The following TBC1D9B variants were observed in gnomAD, a reference collection of about 807,000 sequenced individuals.
TBC1D9B encodes TBC1 domain family member 9B, also known as TBC1 domain family, member 9B (with GRAM domain).
TBC1D9B carries 87 observed loss-of-function variants against 121.1 expected under a neutral mutation model. That is an observed-to-expected ratio of 0.72 (90% CI 0.60 to 0.86). The LOEUF (loss-of-function observed/expected upper bound fraction) is 0.86. TBC1D9B is among the 40% of genes least tolerant of loss of function. The probability of loss-of-function intolerance (pLI) is 0.00; values close to 1 mark genes in which losing one functional copy is unlikely to be tolerated. For synonymous variants in TBC1D9B, 668 were observed against 670.1 expected, an observed-to-expected ratio of 1.00 and a Z score of 0.05; for missense variants, 1,540 against 1,628.6, an observed-to-expected ratio of 0.95 and a Z score of 0.94.
intron 5 of TBC1D9B, among the ~76,000 whole-genome samples, chr5:179,892,773 C>A (rs113302038): frequency 6.6e-6 from 1 of 152,192 alleles, no homozygotes; most frequent in Non-Finnish European, 1.5e-5. Context: ...GGACGGAGGC[C>A]GTGCACTTGA....
intron 10 of TBC1D9B, among the ~76,000 whole-genome samples, chr5:179,877,679 AAAAAG>A (rs1174662138): frequency 4.7e-5 from 7 of 149,828 alleles, no homozygotes; most frequent in Non-Finnish European, 7.4e-5. Flanking sequence ...AAAAAAAAAA[AAAAAG>A]AAAAGAAAAG....
rs533754253 is a variant in TBC1D9B at position 179,877,230 on chromosome 5, T to A, written c.1782+1079A>T. On this transcript the variant is annotated intron_variant, in intron 10 of 20. Coordinates refer to ENST00000355235, the MANE Select transcript of TBC1D9B (RefSeq NM_015043.4). Reference sequence around the variant, plus strand: ...TGAGACCCCATGTCTAAAAAAAAAATATTAGCTGGGTGTGGTGGTACATGC... The same window carrying A: ...TGAGACCCCATGTCTAAAAAAAAAAAATTAGCTGGGTGTGGTGGTACATGC... 2.7e-5 allele frequency among the ~76,000 whole-genome samples: 4 copies of A among 149,898 alleles called. No individual in the cohort carries two copies. In the East Asian group the frequency reaches 7.9e-4, roughly 30 times the overall value.
intron 2 of TBC1D9B, among the ~76,000 whole-genome samples, chr5:179,900,582 T>C (rs32459): frequency 0.051 from 7,766 of 152,272 alleles, 217 homozygotes; most frequent in Middle Eastern, 0.15. Context: ...ACCAGTACCC[T>C]GGGGGAACAC....
chr5:179,881,192 G>A (rs116331915), intron 7 of TBC1D9B, among the ~76,000 whole-genome samples: 2 of 152,300 alleles, frequency 1.3e-5, no homozygotes, highest in African/African-American at 4.8e-5. Context: ...CCTTACATTC[G>A]GGCTTACTGG....
chr5:179,882,882 G>A (rs748353661), intron 7 of TBC1D9B, among the ~76,000 whole-genome samples: 1 of 152,176 alleles, frequency 6.6e-6, no homozygotes, highest in Admixed American at 6.5e-5. Flanking sequence ...GTATCACAAA[G>A]TCTGATACCT....
chr5:179,888,911 G>A (rs1219106026), intron 6 of TBC1D9B, among the ~76,000 whole-genome samples: 1 of 152,174 alleles, frequency 6.6e-6, no homozygotes, highest in African/African-American at 2.4e-5. Context: ...GGTGAGTGCT[G>A]GGGAAGAGAT....
chr5:179,896,063 G>A (rs181067393), intron 3 of TBC1D9B, among the ~76,000 whole-genome samples: 50 of 143,516 alleles, frequency 3.5e-4, no homozygotes, highest in African/African-American at 1.1e-3. Flanking sequence ...TTACTCCATC[G>A]GTTTCATCCC....
intron 16 of TBC1D9B, 78 bp downstream of exon 16, chr5:179,870,177 G>A: frequency 6.3e-7 from 1 of 1,580,512 alleles, no homozygotes; most frequent in Non-Finnish European, 8.6e-7. Flanking sequence ...GGAACAGACA[G>A]GAGATGCTGG....
In TBC1D9B at chr5:179,869,804, TTC is replaced by T. The variant is rs1437240736; in HGVS notation, c.2754_2755del (p.Lys919AlafsTer49). The T allele has an allele frequency of 1.3e-6, 2 of 1,575,574 alleles. No individual in the cohort carries two copies. The highest frequency in any genetic ancestry group is 8.6e-7 in the Non-Finnish European group (1 of 1,158,528). On this transcript the variant is annotated frameshift_variant, in exon 17 of 21. Transcript: ENST00000355235. LOFTEE classifies it high-confidence loss of function. ...GTGTAGCTTGTAGAGCACCTTGAGC[TTC>T]TCTGTCAGGTCCCCGTGGTACATCC...
chr5:179,869,273 C>T (rs1760112193), intron 17 of TBC1D9B: 1 of 298,364 alleles, frequency 3.4e-6, no homozygotes, highest in Admixed American at 4.2e-5. Flanking sequence ...TGCAGCCACT[C>T]CTGCTGAGCC....
chr5:179,900,836 G>A (rs911171362), intron 2 of TBC1D9B, among the ~76,000 whole-genome samples: 8 of 152,096 alleles, frequency 5.3e-5, no homozygotes, highest in East Asian at 1.9e-4. Flanking sequence ...CACTATGCTC[G>A]GGAGGCCAGT....
Position 179,899,169 on chromosome 5 carries a change from G to C in TBC1D9B, c.348+20C>G, listed in dbSNP as rs767404080. ...CTGGCCAGGGAAGGGTGAGAACAGA[G>C]AGTGGCGGGTAAACCTTACGTGTAT... On this transcript the variant is annotated intron_variant, in intron 3 of 20. Transcript: ENST00000355235. The C allele has an allele frequency of 3.9e-6, 6 of 1,549,458 alleles. No homozygotes were observed. The highest frequency in any genetic ancestry group is 1.7e-4 in the Middle Eastern group (1 of 5,926).
At chr5:179,887,786 T>C (rs1240336896) in intron 7 of TBC1D9B, 3 of 384,080 alleles carry the variant, frequency 7.8e-6, no homozygotes. Flanking sequence ...AAAGCCGAAG[T>C]GTACAGGCCT....
intron 7 of TBC1D9B, chr5:179,887,764 G>A (rs1238072662): frequency 6.0e-6 from 2 of 331,790 alleles, no homozygotes; most frequent in African/African-American, 2.2e-5. Flanking sequence ...TGGCAGGGAA[G>A]GTCATGGGAA....
intron 13 of TBC1D9B, 25 bp from the exon 14 acceptor site, chr5:179,873,015 G>T: frequency 6.2e-7 from 1 of 1,613,892 alleles, no homozygotes; most frequent in Non-Finnish European, 8.5e-7. Context: ...GACTTGGTGA[G>T]ATCAAGCCAA....
Position 179,863,944 on chromosome 5 carries a change from G to A in TBC1D9B, c.3206C>T (p.Pro1069Leu). 1.2e-6 allele frequency: 2 copies of A among 1,613,890 alleles called. No homozygotes were observed. Among genetic ancestry groups the A allele is most frequent in the Non-Finnish European group, 1.7e-6 (2 of 1,180,026 alleles). The change falls in exon 21 of 21, where the codon CCA becomes CTA. Residue 1069 changes from proline (P) to leucine (L), a missense_variant. Pro to Leu is a moderately conservative substitution (Grantham distance 98, BLOSUM62 -3). Transcript: ENST00000355235. This position sits in a 1 kb window ranked among gnomAD's most constrained non-coding sequence, Gnocchi z 4.5. ...PRDCATEEDE[P>L]PAPELHQDAA... is the part of the protein sequence containing the mutation. Reference sequence around the variant, plus strand: ...GTCCTGATGCAGTTCGGGTGCTGGTGGCTCGTCCTCCTCAGTGGCACAGTC... The same window carrying A: ...GTCCTGATGCAGTTCGGGTGCTGGTAGCTCGTCCTCCTCAGTGGCACAGTC...
At chr5:179,869,170 C>G in intron 17 of TBC1D9B, 1 of 198,800 alleles carries the variant, frequency 5.0e-6, no homozygotes, top group Non-Finnish European at 1.0e-5. Flanking sequence ...CAGGTCCAGC[C>G]ACAGCAGAGT....
intron 17 of TBC1D9B, chr5:179,869,394 A>C (rs1760117079): frequency 2.6e-6 from 1 of 381,570 alleles, no homozygotes; most frequent in Admixed American, 3.2e-5. Context: ...AGGATTCTCT[A>C]GCTGAAACTC....
rs1329597037 is a variant in TBC1D9B, at chr5:179,907,785, C to T, written c.37G>A (p.Ala13Thr). ...TTGGCCCGCTCCGTCACCCACAGCGCATTGGCCACCAGCACCTCCTCCGGG... is the reference window on the plus strand; with the variant it reads ...TTGGCCCGCTCCGTCACCCACAGCGTATTGGCCACCAGCACCTCCTCCGGG... ...LSPEEVLVAN[A>T]LWVTERANPF... The change falls in exon 1 of 21, where the codon GCG (alanine) becomes ACG (threonine). Residue 13 changes from alanine to threonine, a missense_variant. By Grantham distance (58) the Ala-to-Thr change is moderately conservative. Coordinates refer to ENST00000355235, the MANE Select transcript of TBC1D9B (RefSeq NM_015043.4). This position sits in a 1 kb window ranked among gnomAD's most constrained non-coding sequence, Gnocchi z 5.3. 3 of 1,226,578 alleles carry T rather than the reference C, an allele frequency of 2.4e-6. No homozygotes were observed. The highest frequency in any genetic ancestry group is 3.1e-6 in the Non-Finnish European group (3 of 955,788). The allele number at this position is 1,226,578 out of a possible 1,614,324, so 76.0% of individuals were successfully genotyped here. A position where few individuals can be genotyped will look rare whatever the true frequency, so the allele number is the denominator to read the frequency against.
Sources: gnomAD v4.1 joint callset for allele counts (sites outside exome capture counted in the v4.1 genomes callset) on GRCh38, gnomAD v4.1.1 for gene constraint, Gnocchi (gnomAD v3.1) non-coding constraint, MANE v1.5 for transcripts, NCBI Gene and HGNC (gene_info 2026-07-23, HGNC 2026-07-21) for gene names.